Variants in MYH16 observed in about 807,000 individuals in gnomAD.
The protein encoded by MYH16 is myosin heavy chain 16.
chr7:99,261,324 G>C (rs1156653855), intron 12 of MYH16: 1 of 152,728 alleles, frequency 6.5e-6, no homozygotes, highest in Admixed American at 6.5e-5. Flanking sequence ...TCACTGCACA[G>C]AGTCCTGCTT....
At chr7:99,269,171 C>A (rs1189630398) in intron 18 of MYH16, among the ~76,000 whole-genome samples, 1 of 152,180 alleles carries the variant, frequency 6.6e-6, no homozygotes, top group Non-Finnish European at 1.5e-5. Flanking sequence ...CCCTGTGAAC[C>A]CACTGAAAAG....
chr7:99,252,658 T>A (rs1054083327), intron 6 of MYH16: 4 of 152,370 alleles, frequency 2.6e-5, no homozygotes, highest in Non-Finnish European at 5.9e-5. Flanking sequence ...TGTCCGTGTG[T>A]TTCTCTATCT....
intron 11 of MYH16, among the ~76,000 whole-genome samples, chr7:99,258,587 T>C (rs1470967031): frequency 6.6e-6 from 1 of 152,218 alleles, no homozygotes; most frequent in East Asian, 1.9e-4. Flanking sequence ...TGCCAAGTCA[T>C]AAAGAATGGT....
At chr7:99,267,104 G>A (rs1002569869) in intron 18 of MYH16, 2 of 148,236 alleles carry the variant, frequency 1.3e-5, no homozygotes, top group East Asian at 3.8e-4. Flanking sequence ...CAGCTGCTGA[G>A]AGCCTCAGTT....
intron 2 of MYH16, among the ~76,000 whole-genome samples, chr7:99,245,110 C>T (rs568952538): frequency 2.6e-5 from 4 of 152,298 alleles, no homozygotes; most frequent in Non-Finnish European, 5.9e-5. Flanking sequence ...CCCCACCCCA[C>T]GGCTGAGACA....
chr7:99,297,854 T>A (rs1292743158), intron 35 of MYH16, 38 bp from the exon 17 acceptor site: 1 of 456,728 alleles, frequency 2.2e-6, no homozygotes, highest in Non-Finnish European at 4.4e-6. Context: ...ACTGCACATC[T>A]TCTTGGCCAG....
intron 28 of MYH16, among the ~76,000 whole-genome samples, chr7:99,287,192 C>T (rs546793267): frequency 5.3e-5 from 8 of 152,126 alleles, no homozygotes; most frequent in Non-Finnish European, 8.8e-5. Flanking sequence ...CCCTAGTTGT[C>T]GGTACCTGGA....
chr7:99,284,820 C>G (rs749159488), intron 25 of MYH16, 25 bp from the exon 8 acceptor site: 8 of 456,448 alleles, frequency 1.8e-5, no homozygotes, highest in Non-Finnish European at 3.5e-5. Flanking sequence ...AGCCTTTCCT[C>G]AGGAGACCAA....
chr7:99,305,022 T>C (rs1792661250), intron 40 of MYH16, among the ~76,000 whole-genome samples: 1 of 149,270 alleles, frequency 6.7e-6, no homozygotes, highest in Non-Finnish European at 1.5e-5. Flanking sequence ...CTCCATCTCT[T>C]AAAAAAAAAA....
intron 30 of MYH16, 50 bp from the exon 12 acceptor site, chr7:99,291,273 T>A (rs1792370006): frequency 2.2e-6 from 1 of 449,444 alleles, no homozygotes; most frequent in South Asian, 1.6e-5. Context: ...TGGATCTGGC[T>A]GGGGAACCAG....
chr7:99,260,390 T>A, intron 12 of MYH16: 1 of 748,036 alleles, frequency 1.3e-6, no homozygotes, highest in Non-Finnish European at 2.2e-6. Context: ...GGGATGTCAC[T>A]GGCACATGCA....
intron 20 of MYH16, among the ~76,000 whole-genome samples, chr7:99,274,790 C>T (rs942262286): frequency 1.3e-5 from 2 of 150,930 alleles, no homozygotes; most frequent in African/African-American, 4.9e-5. Flanking sequence ...TCTCCTGCCT[C>T]AGCCTCCTGA....
intron 36 of MYH16, among the ~76,000 whole-genome samples, chr7:99,298,629 GTC>G (rs951509173): frequency 1.3e-5 from 2 of 152,208 alleles, no homozygotes; most frequent in African/African-American, 4.8e-5. Context: ...TCGGAGAAAA[GTC>G]TGTTCTTTGC....
At chr7:99,249,709 C>T (rs569967192) in intron 4 of MYH16, among the ~76,000 whole-genome samples, 2 of 151,360 alleles carry the variant, frequency 1.3e-5, no homozygotes, top group South Asian at 4.2e-4. Flanking sequence ...GCACATGCCA[C>T]CATGCCTGGC....
At chr7:99,300,937 G>A (rs1209159833) in intron 37 of MYH16, among the ~76,000 whole-genome samples, 1 of 152,248 alleles carries the variant, frequency 6.6e-6, no homozygotes, top group African/African-American at 2.4e-5. Flanking sequence ...GCTCACGCCT[G>A]TAATCCCAGC....
chr7:99,249,337 A>G (rs1791779691), intron 4 of MYH16, among the ~76,000 whole-genome samples: 1 of 151,894 alleles, frequency 6.6e-6, no homozygotes, highest in Admixed American at 6.6e-5. Context: ...GCTGGAACCC[A>G]GGAGTTTGAG....
At chr7:99,263,504 C>A (rs1355826791) in intron 14 of MYH16, 3 of 152,556 alleles carry the variant, frequency 2.0e-5, no homozygotes, top group East Asian at 1.9e-4. Context: ...TGTGCTGATG[C>A]CCTTTAGTGG....
intron 13 of MYH16, among the ~76,000 whole-genome samples, chr7:99,262,928 G>C (rs544151630): frequency 6.6e-6 from 1 of 152,184 alleles, no homozygotes; most frequent in Admixed American, 6.5e-5. Flanking sequence ...CTACAGCCAC[G>C]GTCAGTCACA....
At chr7:99,266,724 G>A (rs971383508) in intron 17 of MYH16, 2 of 152,492 alleles carry the variant, frequency 1.3e-5, no homozygotes, top group African/African-American at 4.8e-5. Context: ...GCCTCCCAGG[G>A]GCATCTGTCA....
Sources: gnomAD v4.1 joint callset for allele counts (sites outside exome capture counted in the v4.1 genomes callset) on GRCh38, gnomAD v4.1.1 for gene constraint, MANE v1.5 for transcripts, NCBI Gene and HGNC (gene_info 2026-07-23, HGNC 2026-07-21) for gene names.